Variants in WWTR1 observed in about 807,000 individuals in gnomAD.
WWTR1 encodes the protein WW domain containing transcription regulator 1, also known as WW domain-containing transcription regulator protein 1.
In WWTR1, 13 loss-of-function variants were observed where a neutral mutation model predicts 40.1. The observed-to-expected ratio is 0.32, with a 90% CI of 0.21 to 0.52. WWTR1 has a LOEUF of 0.52. WWTR1 is among the 20% of genes least tolerant of loss of function. WWTR1 has a pLI of 0.97. For synonymous variants in WWTR1, 230 were observed against 210.1 expected (o/e 1.09, Z -0.82); for missense variants, 436 against 523.1 (o/e 0.83, Z 1.63).
At chr3:149,579,863 T>C (rs979038046) in intron 2 of WWTR1, among the ~76,000 whole-genome samples, 1 of 152,248 alleles carries the variant, frequency 6.6e-6, no homozygotes, top group African/African-American at 2.4e-5. Flanking sequence ...TTGCTTCTTG[T>C]GACTCAGTCC....
At chr3:149,567,616 G>A (rs1737394332) in intron 3 of WWTR1, among the ~76,000 whole-genome samples, 1 of 152,216 alleles carries the variant, frequency 6.6e-6, no homozygotes, top group South Asian at 2.1e-4. Flanking sequence ...TGATTACACA[G>A]GAGCCAGAAA....
At chr3:149,628,074 GAA>G (rs750330375) in intron 2 of WWTR1, among the ~76,000 whole-genome samples, 4 of 77,884 alleles carry the variant, frequency 5.1e-5, no homozygotes, top group Non-Finnish European at 7.8e-5. Flanking sequence ...ACTCCGTCTC[GAA>G]AAAAAAAAAA....
In WWTR1 at chr3:149,527,940, C is replaced by T; in HGVS notation, c.801G>A (p.Met267Ile). 2 of 1,614,102 alleles carry T rather than the reference C, an allele frequency of 1.2e-6. No homozygotes were observed. Among genetic ancestry groups the T allele is most frequent in the Non-Finnish European group, 1.7e-6 (2 of 1,180,022 alleles). Residue 267 changes from methionine (M) to isoleucine (I), a missense_variant, in exon 5 of 7, where the codon ATG becomes ATA. Coordinates refer to ENST00000360632, the MANE Select transcript of WWTR1 (RefSeq NM_015472.6). ...QEAALCRQLP[M>I]EAETLAPVQA... ...GAACTGGGGCAAGAGTCTCAGCTTCCATGGGGAGCTGTCGACAGAGGGCAG... is the reference window on the plus strand; with the variant it reads ...GAACTGGGGCAAGAGTCTCAGCTTCTATGGGGAGCTGTCGACAGAGGGCAG...
chr3:149,521,100 A>G (rs1735024707), intron 6 of WWTR1, 111 bp from the exon 7 acceptor site: 1 of 1,243,216 alleles, frequency 8.0e-7, no homozygotes, highest in East Asian at 2.5e-5. Context: ...CTACCACATT[A>G]TTGACCCTTA....
rs910059362 is a variant in WWTR1, at chr3:149,536,324, T to C, written c.771+6011A>G. On this transcript the variant is annotated intron_variant, in intron 4 of 6. Coordinates refer to ENST00000360632, the MANE Select transcript of WWTR1 (RefSeq NM_015472.6). ...TGACCTCTGTTAACCCAGTCAACTC[T>C]GAAACCTAATGCTATGAAATGCTTT... Among the ~76,000 whole-genome samples the C allele has an allele frequency of 2.6e-5, 4 of 152,252 alleles. No homozygotes were observed. In the South Asian group the frequency reaches 8.3e-4, roughly 32 times the overall value.
intron 1 of WWTR1, among the ~76,000 whole-genome samples, chr3:149,700,941 A>G (rs866683933): frequency 4.1e-4 from 63 of 152,364 alleles, no homozygotes; most frequent in African/African-American, 1.5e-3. Flanking sequence ...ACAGGACTCC[A>G]AGTCTTTGCA....
intron 1 of WWTR1, 68 bp downstream of exon 1, chr3:149,657,697 C>CTT (rs1713333484): frequency 5.4e-6 from 1 of 185,708 alleles, no homozygotes; most frequent in South Asian, 1.2e-4. Flanking sequence ...GTCTCGACTC[C>CTT]GGAAGCCCGA....
upstream of WWTR1, among the ~76,000 whole-genome samples, chr3:149,706,493 T>G (rs1343655094): frequency 6.6e-6 from 1 of 151,858 alleles, no homozygotes; most frequent in East Asian, 1.9e-4. Flanking sequence ...TAATTTTGTA[T>G]TTTTAGTAGA....
chr3:149,661,596 A>AT (rs1009079100), upstream of WWTR1, among the ~76,000 whole-genome samples: 2 of 151,398 alleles, frequency 1.3e-5, no homozygotes, highest in African/African-American at 2.4e-5. Flanking sequence ...TAATTTTTGT[A>AT]TTTTTTTAGT....
At chr3:149,697,104 A>G (rs1270274556) in intron 1 of WWTR1, among the ~76,000 whole-genome samples, 3 of 152,218 alleles carry the variant, frequency 2.0e-5, no homozygotes, top group African/African-American at 7.2e-5. Flanking sequence ...TTATTTTTAT[A>G]TTGCTATAAA....
intron 3 of WWTR1, among the ~76,000 whole-genome samples, chr3:149,565,651 C>T (rs1737283579): frequency 6.6e-6 from 1 of 152,076 alleles, no homozygotes; most frequent in South Asian, 2.1e-4. Context: ...GGTGCTCGTG[C>T]CTGTAATCCC....
rs527339989 is a variant in WWTR1, at chr3:149,689,630, T to C, written c.-108+13494A>G. ...AAAATGTTTATCTTAGAAAACTATATCCTGTGGAAATATCCTTCAAACATG... is the reference window on the plus strand; with the variant it reads ...AAAATGTTTATCTTAGAAAACTATACCCTGTGGAAATATCCTTCAAACATG... On this transcript the variant is annotated intron_variant, in intron 1 of 7. Transcript: ENST00000465804. 4.1e-4 allele frequency among the ~76,000 whole-genome samples: 62 copies of C among 152,162 alleles called. 1 individual carries two copies. The highest frequency in any genetic ancestry group is 1.3e-3 in the African/African-American group (56 of 41,534).
intron 2 of WWTR1, among the ~76,000 whole-genome samples, chr3:149,621,386 G>A (rs112597010): frequency 5.9e-4 from 90 of 152,070 alleles, no homozygotes; most frequent in African/African-American, 2.0e-3. Flanking sequence ...GAAAACCACA[G>A]TGCCCAAACA....
At chr3:149,645,696 C>T (rs1023481021) in intron 2 of WWTR1, among the ~76,000 whole-genome samples, 3 of 152,174 alleles carry the variant, frequency 2.0e-5, no homozygotes, top group Non-Finnish European at 2.9e-5. Context: ...TGCCCAGGTG[C>T]CCCTTTGAAA....
chr3:149,536,430 C>T (rs1195405641), intron 4 of WWTR1, among the ~76,000 whole-genome samples: 5 of 151,864 alleles, frequency 3.3e-5, no homozygotes, highest in Admixed American at 2.6e-4. Flanking sequence ...TGCTCCAATA[C>T]GACACTCTCC....
intron 2 of WWTR1, among the ~76,000 whole-genome samples, chr3:149,663,096 A>C (rs574936639): frequency 3.9e-5 from 6 of 151,998 alleles, no homozygotes; most frequent in Non-Finnish European, 8.8e-5. Context: ...GCAATGGCGC[A>C]ATCTCAGCTC....
chr3:149,579,327 A>T (rs1287243520), intron 2 of WWTR1, among the ~76,000 whole-genome samples: 1 of 152,146 alleles, frequency 6.6e-6, no homozygotes, highest in Non-Finnish European at 1.5e-5. Flanking sequence ...AGTTAAAGAG[A>T]ACCACACCAA....
Position 149,641,463 on chromosome 3 carries a change from A to G in WWTR1, c.431+15413T>C, listed in dbSNP as rs537204582. Among the ~76,000 whole-genome samples, 4 of 152,364 alleles carry G rather than the reference A, an allele frequency of 2.6e-5. No individual in the cohort carries two copies. In the South Asian group the frequency reaches 8.3e-4, roughly 32 times the overall value. On this transcript the variant is annotated intron_variant, in intron 2 of 6. Coordinates refer to ENST00000360632, the MANE Select transcript of WWTR1 (RefSeq NM_015472.6). ...TATTCACACACATGAGGTAAGCTGG[A>G]CATTCCAATGCATGTGCAACTGGGA...
intron 2 of WWTR1, among the ~76,000 whole-genome samples, chr3:149,646,937 G>A (rs1712567080): frequency 1.3e-5 from 2 of 151,980 alleles, no homozygotes; most frequent in African/African-American, 4.8e-5. Flanking sequence ...TAGGGGACAT[G>A]ATGTACATTT....
Sources: allele counts gnomAD v4.1 joint callset (sites outside exome capture counted in the v4.1 genomes callset), GRCh38; gene constraint gnomAD v4.1.1; transcripts MANE v1.5; gene names NCBI Gene and HGNC (gene_info 2026-07-23, HGNC 2026-07-21).